Variants in TPM4 observed in about 807,000 individuals in gnomAD.
TPM4 encodes tropomyosin alpha-4 chain.
Under a neutral mutation model 35.8 loss-of-function variants are expected in TPM4, and 17 were observed. The ratio of observed to expected loss-of-function variants is 0.47; its 90% CI spans 0.32 to 0.71. The LOEUF (loss-of-function observed/expected upper bound fraction) is 0.71, where lower values mean the gene tolerates loss of function less well. Among genes scored for constraint, TPM4 ranks in the 30% least tolerant of loss-of-function variants. The pLI is 0.03. For missense variants in TPM4, 240 were observed against 320.9 expected (o/e 0.75, Z 1.93); for synonymous variants, 120 against 122.9 (o/e 0.98, Z 0.15).
upstream of TPM4, among the ~76,000 whole-genome samples, chr19:16,072,214 G>A (rs1372152199): frequency 2.0e-5 from 3 of 152,164 alleles, no homozygotes; most frequent in African/African-American, 7.2e-5. Context: ...TCTAATGCTG[G>A]GGCCCATAGT....
rs2090411303 is a variant in TPM4 at position 16,076,716 on chromosome 19, G to T, written c.132+19G>T. On this transcript the variant is annotated intron_variant, in intron 1 of 7. Coordinates refer to ENST00000643579, the MANE Select transcript of TPM4 (RefSeq NM_003290.3). ...CGAGAAAGTGAGCGCCCCGGCCTCG[G>T]GCCCCGCACCCGCAGCCTCCTCCCC... 3.0e-6 allele frequency: 4 copies of T among 1,319,502 alleles called. No homozygotes were observed. The highest frequency in any genetic ancestry group is 3.9e-6 in the Non-Finnish European group (4 of 1,035,468). 81.7% of individuals were successfully genotyped at this position (1,319,502 alleles called of 1,614,324 possible). A position where few individuals can be genotyped will look rare whatever the true frequency, so the allele number is the denominator to read the frequency against.
chr19:16,095,489 A>G, intron 7 of TPM4: 1 of 1,021,886 alleles, frequency 9.8e-7, no homozygotes, highest in Non-Finnish European at 1.2e-6. Flanking sequence ...CAACCGAAAT[A>G]AAGACGGGCA....
At position 16,087,413 on chromosome 19, in the gene TPM4, C is replaced by T. The variant is rs75232726; in HGVS notation, c.385-614C>T. Among the ~76,000 whole-genome samples, 469 of 152,138 alleles carry T rather than the reference C, an allele frequency of 3.1e-3. 8 individuals are homozygous for T. In the East Asian group the frequency reaches 0.053, roughly 17 times the overall value. On this transcript the variant is annotated intron_variant, in intron 3 of 7. Transcript: ENST00000643579. ...CCAACGTGGTGAAACCCTGTCTCTA[C>T]AAAAAATACAAAAATTAGCCGGGCA... is the stretch of plus-strand genomic sequence containing the variant.
intron 7 of TPM4, among the ~76,000 whole-genome samples, chr19:16,096,930 G>T (rs1194113641): frequency 8.8e-6 from 1 of 113,034 alleles, no homozygotes; most frequent in African/African-American, 3.4e-5. Flanking sequence ...AGAAAACAAG[G>T]TCACTCTTTT....
At chr19:16,093,395 C>T in intron 5 of TPM4, 141 bp from the exon 6 acceptor site, 1 of 824,348 alleles carries the variant, frequency 1.2e-6, no homozygotes, top group Non-Finnish European at 1.9e-6. Context: ...GGGGTTTCAC[C>T]ATGTTGGCCA....
In TPM4 at chr19:16,070,756, C is replaced by T. The variant is rs1412519780; in HGVS notation, c.114+3018C>T. Among the ~76,000 whole-genome samples, 1 of 152,108 alleles carries T rather than the reference C, an allele frequency of 6.6e-6. No homozygotes were observed. The highest frequency in any genetic ancestry group is 1.9e-4 in the East Asian group (1 of 5,180). ...CTTCCCCTTTGGGCCTCCCCAGCCC[C>T]CCGTGCCCCAGGGCTGCCCTAAGAG... On this transcript the variant is annotated intron_variant, in intron 2 of 2. Coordinates refer to the TPM4 transcript ENST00000589897. The surrounding 1 kb of genome is among the most constrained non-coding windows in gnomAD (Gnocchi z 7.4).
chr19:16,091,062 T>A (rs1443383684), intron 5 of TPM4, among the ~76,000 whole-genome samples: 1 of 152,078 alleles, frequency 6.6e-6, no homozygotes, highest in Non-Finnish European at 1.5e-5. Flanking sequence ...CTTTGTTTTG[T>A]TTTGTTTTGA....
chr19:16,092,491 T>C (rs1418771464), intron 5 of TPM4, among the ~76,000 whole-genome samples: 5 of 151,728 alleles, frequency 3.3e-5, no homozygotes. Context: ...TTCACACATA[T>C]TTCTTCTGCT....
chr19:16,093,786 C>CCT (rs1457656948), intron 7 of TPM4, 33 bp downstream of exon 7: 1 of 1,610,020 alleles, frequency 6.2e-7, no homozygotes, highest in Admixed American at 1.7e-5. Context: ...TTTGCCTTGC[C>CCT]CTGCCTTCCC....
chr19:16,081,782 C>T, intron 1 of TPM4, 131 bp from the exon 2 acceptor site: 1 of 1,250,458 alleles, frequency 8.0e-7, no homozygotes, highest in Non-Finnish European at 1.1e-6. Context: ...AGTGTAAATT[C>T]CCTATGGCCT....
upstream of TPM4, chr19:16,076,385 G>A: frequency 7.2e-7 from 1 of 1,395,658 alleles, no homozygotes; most frequent in Non-Finnish European, 9.2e-7. Context: ...TGCTGACGTC[G>A]GCGGTCCGGC....
chr19:16,083,195 G>A (rs1213850791), intron 2 of TPM4, among the ~76,000 whole-genome samples: 1 of 152,142 alleles, frequency 6.6e-6, no homozygotes, highest in African/African-American at 2.4e-5. Context: ...TATAATCCCA[G>A]CACTTTGCGA....
chr19:16,076,850 C>T (rs1016167748), intron 1 of TPM4, 153 bp downstream of exon 1: 1 of 1,248,526 alleles, frequency 8.0e-7, no homozygotes, highest in Non-Finnish European at 1.0e-6. Context: ...TCCCTGCGCC[C>T]GCAGCCAGGA....
At chr19:16,073,192 A>G (rs1381309853), upstream of TPM4, among the ~76,000 whole-genome samples, 1 of 152,062 alleles carries the variant, frequency 6.6e-6, no homozygotes, top group Non-Finnish European at 1.5e-5. Flanking sequence ...AAACAAAAAC[A>G]AAAACAAAAC....
intron 1 of TPM4, chr19:16,077,848 A>AC (rs920559367): frequency 3.7e-5 from 10 of 267,612 alleles, no homozygotes; most frequent in South Asian, 1.7e-4. Flanking sequence ...TGCAACCTCC[A>AC]CCCCCCGAGT....
In TPM4 at chr19:16,070,723, C is replaced by T. The variant is rs1328307263; in HGVS notation, c.114+2985C>T. On this transcript the variant is annotated intron_variant, in intron 2 of 2. Transcript: ENST00000589897. The surrounding 1 kb of genome is among the most constrained non-coding windows in gnomAD (Gnocchi z 7.4). ...AATAAATGTAGGTTGATTTCCTGCCCCGCCCTACTTCCCCTTTGGGCCTCC... is the reference window on the plus strand; with the variant it reads ...AATAAATGTAGGTTGATTTCCTGCCTCGCCCTACTTCCCCTTTGGGCCTCC... 2.0e-5 allele frequency among the ~76,000 whole-genome samples: 3 copies of T among 152,118 alleles called. No individual in the cohort carries two copies. The highest frequency in any genetic ancestry group is 7.2e-5 in the African/African-American group (3 of 41,426).
chr19:16,075,142 T>C (rs1280804757), upstream of TPM4: 4 of 150,780 alleles, frequency 2.7e-5, no homozygotes, highest in South Asian at 2.1e-4. Flanking sequence ...TAATCCAGAG[T>C]TGGGGGCCCA....
In TPM4 at chr19:16,082,990, C is replaced by CAA. The variant is rs1195606325; in HGVS notation, c.266+967_266+968dup. On this transcript the variant is annotated intron_variant, in intron 2 of 7. Transcript: ENST00000643579. ...CTCAGTGACAGATGAGATTCTGTCTCAAAAAAAAAAAAAAAAAAAAAAAAG... is the reference window on the plus strand; with the variant it reads ...CTCAGTGACAGATGAGATTCTGTCTCAAAAAAAAAAAAAAAAAAAAAAAAAAG... 9.2e-3 allele frequency among the ~76,000 whole-genome samples: 573 copies of CAA among 62,456 alleles called. 11 individuals carry two copies. The highest frequency in any genetic ancestry group is 0.037 in the Middle Eastern group (3 of 80). The allele number at this position is 62,456 out of a possible 152,430, so 41.0% of individuals were successfully genotyped here. A position where few individuals can be genotyped will look rare whatever the true frequency, so the allele number is the denominator to read the frequency against.
intron 4 of TPM4, 147 bp from the exon 5 acceptor site, chr19:16,088,898 C>T: frequency 2.0e-6 from 3 of 1,463,524 alleles, no homozygotes; most frequent in Non-Finnish European, 2.7e-6. Flanking sequence ...CAGAAAAATC[C>T]ATTAACATTT....
Sources: gnomAD v4.1 joint callset for allele counts (sites outside exome capture counted in the v4.1 genomes callset) on GRCh38, gnomAD v4.1.1 for gene constraint, Gnocchi (gnomAD v3.1) non-coding constraint, MANE v1.5 for transcripts, NCBI Gene and HGNC (gene_info 2026-07-23, HGNC 2026-07-21) for gene names.